Variants in SH3PXD2A observed in about 807,000 individuals in gnomAD.
SH3PXD2A encodes the protein SH3 and PX domains 2A.
In SH3PXD2A, 32 loss-of-function variants were observed where a neutral mutation model predicts 115.2. The ratio of observed to expected loss-of-function variants is 0.28; its 90% CI spans 0.21 to 0.37. The LOEUF (loss-of-function observed/expected upper bound fraction) is 0.37, where lower values mean the gene tolerates loss of function less well. Among genes scored for constraint, SH3PXD2A ranks in the 10% least tolerant of loss-of-function variants. The pLI is 1.00. For synonymous variants in SH3PXD2A, 610 were observed against 629.1 expected (o/e 0.97, Z 0.45); for missense variants, 1,328 against 1,498.7 (o/e 0.89, Z 1.88).
Position 103,706,160 on chromosome 10 carries a change from T to A in SH3PXD2A, c.399-13104A>T, listed in dbSNP as rs528876123. 1.1e-4 allele frequency among the ~76,000 whole-genome samples: 16 copies of A among 152,308 alleles called. No individual in the cohort carries two copies. In the South Asian group the frequency reaches 3.1e-3, roughly 30 times the overall value. On this transcript the variant is annotated intron_variant, in intron 5 of 14. Transcript: ENST00000369774. ...CACAGTGGGTCACAGTGTCACAGCG[T>A]CCATGACCACATGCTCAAGAGATGC...
In SH3PXD2A at chr10:103,603,370, C is replaced by T. The variant is rs753218334; in HGVS notation, c.1848G>A (p.Glu616=). 2 of 1,614,016 alleles carry T rather than the reference C, an allele frequency of 1.2e-6. No individual in the cohort carries two copies. The highest frequency in any genetic ancestry group is 1.7e-6 in the Non-Finnish European group (2 of 1,180,026). The change falls in exon 15 of 15, where the codon GAG becomes GAA. Residue 616 remains glutamate, a synonymous_variant. Transcript: ENST00000369774. The stretch of plus-strand genomic sequence containing the variant: ...AGCCCTCATTCTCATAGATGGTCTC[C>T]TCTTCCAGGGCCACATCCTCTGAAG... ...GESSEDVALE[E]ETIYENEGFR... is the part of the protein sequence containing the mutation.
At chr10:103,789,928 G>A (rs2039018447) in intron 2 of SH3PXD2A, among the ~76,000 whole-genome samples, 2 of 152,168 alleles carry the variant, frequency 1.3e-5, no homozygotes, top group Admixed American at 6.5e-5. Flanking sequence ...AACAATGAGA[G>A]AGGCAGGTGA....
rs58728932 is a variant in SH3PXD2A at position 103,674,823 on chromosome 10, A to AAAACAAAC, written c.428-6179_428-6172dup. On this transcript the variant is annotated intron_variant, in intron 6 of 14. Transcript: ENST00000369774. ...CAACAGAGCAAGGCTCTGTCTCTTAAAAACAAACAAACAAACAAACAAACA... is the reference window on the plus strand; with the variant it reads ...CAACAGAGCAAGGCTCTGTCTCTTAAAAACAAACAAACAAACAAACAAACAAACAAACA... Among the ~76,000 whole-genome samples, 299 of 151,652 alleles carry AAAACAAAC rather than the reference A, an allele frequency of 2.0e-3. 1 individual carries two copies. Among genetic ancestry groups the AAAACAAAC allele is most frequent in the African/African-American group, 5.2e-3 (216 of 41,232 alleles).
intron 4 of SH3PXD2A, among the ~76,000 whole-genome samples, chr10:103,729,980 C>A (rs2038294658): frequency 6.6e-6 from 1 of 152,208 alleles, no homozygotes; most frequent in Non-Finnish European, 1.5e-5. Context: ...GTCTCTAAGA[C>A]CTCCACTCAG....
At chr10:103,671,850 C>T (rs1243835271) in intron 6 of SH3PXD2A, among the ~76,000 whole-genome samples, 4 of 152,236 alleles carry the variant, frequency 2.6e-5, no homozygotes, top group Non-Finnish European at 2.9e-5. Flanking sequence ...CTGTCCCTGC[C>T]TTCATCTCCT....
chr10:103,605,851 A>C lies in SH3PXD2A; in HGVS notation c.1375T>G (p.Phe459Val). 6.2e-7 allele frequency: 1 copy of C among 1,613,316 alleles called. No individual in the cohort carries two copies. Among genetic ancestry groups the C allele is most frequent in the Non-Finnish European group, 8.5e-7 (1 of 1,179,196 alleles). Residue 459 changes from phenylalanine to valine, a missense_variant, in exon 14 of 15, where the codon TTC becomes GTC. Phe to Val is a conservative substitution (Grantham distance 50). Around this residue, in one of 5 missense-constraint regions of SH3PXD2A, gnomAD observed 509 missense variants for 628.3 expected, o/e 0.81. Transcript: ENST00000369774. ...ATGCCATCGGAAATGCACGACTGGA[A>C]TTCGGCAATGGTGTAGTACTCCACC... ...VEVEYYTIAE[F>V]QSCISDGISF... is the part of the protein sequence containing the mutation.
intron 1 of SH3PXD2A, among the ~76,000 whole-genome samples, chr10:103,854,017 C>T (rs1405342144): frequency 2.6e-5 from 4 of 152,194 alleles, no homozygotes; most frequent in Non-Finnish European, 5.9e-5. Context: ...CAACCTGCCT[C>T]CACATTTACC....
intron 11 of SH3PXD2A, among the ~76,000 whole-genome samples, chr10:103,613,828 T>G (rs1279357696): frequency 6.6e-6 from 1 of 152,180 alleles, no homozygotes; most frequent in Non-Finnish European, 1.5e-5. Context: ...GAATGGCTCC[T>G]CCATGCCAGA....
chr10:103,701,259 C>A (rs1359400137), intron 5 of SH3PXD2A, among the ~76,000 whole-genome samples: 1 of 149,838 alleles, frequency 6.7e-6, no homozygotes, highest in Non-Finnish European at 1.5e-5. Context: ...ATCATCCATC[C>A]ACCATCCATC....
chr10:103,781,040 C>T (rs558828786), intron 2 of SH3PXD2A, among the ~76,000 whole-genome samples: 2 of 152,328 alleles, frequency 1.3e-5, no homozygotes, highest in Non-Finnish European at 2.9e-5. Flanking sequence ...ACAGCTCCCT[C>T]CTCCCCATCA....
chr10:103,755,113 C>A (rs918410228), intron 3 of SH3PXD2A: 2 of 152,208 alleles, frequency 1.3e-5, no homozygotes, highest in Non-Finnish European at 2.9e-5. Context: ...ACATTTTGAA[C>A]AGCAATCCTT....
At chr10:103,680,346 G>A (rs1342481267) in intron 6 of SH3PXD2A, among the ~76,000 whole-genome samples, 3 of 152,032 alleles carry the variant, frequency 2.0e-5, no homozygotes, top group African/African-American at 4.8e-5. Context: ...GCAGTGGTGC[G>A]ATCACCATTC....
intron 8 of SH3PXD2A, among the ~76,000 whole-genome samples, chr10:103,645,080 C>T (rs899160064): frequency 1.3e-5 from 2 of 152,218 alleles, no homozygotes; most frequent in African/African-American, 4.8e-5. Flanking sequence ...CCCCTGCCAG[C>T]CAGCGTTCTG....
At chr10:103,636,314 C>A (rs2036863341) in intron 8 of SH3PXD2A, among the ~76,000 whole-genome samples, 1 of 150,952 alleles carries the variant, frequency 6.6e-6, no homozygotes, top group South Asian at 2.1e-4. Flanking sequence ...GAGGCTGAGG[C>A]AGGAGAATGG....
chr10:103,623,078 C>T (rs1223987601), intron 9 of SH3PXD2A, among the ~76,000 whole-genome samples: 1 of 152,172 alleles, frequency 6.6e-6, no homozygotes, highest in African/African-American at 2.4e-5. Flanking sequence ...CCCTTCCTTG[C>T]GGGGCTGAGA....
At chr10:103,766,139 GT>G (rs1404354614) in intron 3 of SH3PXD2A, among the ~76,000 whole-genome samples, 1 of 152,224 alleles carries the variant, frequency 6.6e-6, no homozygotes, top group Non-Finnish European at 1.5e-5. Context: ...CCCTACATCC[GT>G]TTTCAAGTCA....
intron 1 of SH3PXD2A, among the ~76,000 whole-genome samples, chr10:103,801,617 A>T (rs1404552444): frequency 6.6e-6 from 1 of 150,984 alleles, no homozygotes. Context: ...TATCTTAGGA[A>T]AGTAGGATCA....
At chr10:103,720,009 C>A (rs764124161) in intron 5 of SH3PXD2A, among the ~76,000 whole-genome samples, 1 of 152,160 alleles carries the variant, frequency 6.6e-6, no homozygotes, top group Admixed American at 6.5e-5. Flanking sequence ...CGTGAGCCAC[C>A]GTGCCCGGCC....
intron 1 of SH3PXD2A, among the ~76,000 whole-genome samples, chr10:103,847,265 C>G (rs1842856050): frequency 6.6e-6 from 1 of 152,080 alleles, no homozygotes; most frequent in South Asian, 2.1e-4. Context: ...CCCACTTCAG[C>G]CTCCCGGGTA....
Sources: gnomAD v4.1 joint callset for allele counts (sites outside exome capture counted in the v4.1 genomes callset) on GRCh38, gnomAD v4.1.1 for gene constraint, gnomAD v4.1.1 regional missense constraint, MANE v1.5 for transcripts, NCBI Gene and HGNC (gene_info 2026-07-23, HGNC 2026-07-21) for gene names.